Variants in MEF2C observed in about 807,000 individuals in gnomAD.
The protein encoded by MEF2C is myocyte-specific enhancer factor 2C.
Under a neutral mutation model 50.5 loss-of-function variants are expected in MEF2C, and 6 were observed. The observed-to-expected ratio is 0.12, with a 90% CI of 0.07 to 0.23. The LOEUF (loss-of-function observed/expected upper bound fraction) is 0.23. MEF2C is among the 10% of genes least tolerant of loss of function. The probability of loss-of-function intolerance (pLI) is 1.00; values close to 1 mark genes in which losing one functional copy is unlikely to be tolerated. For missense variants in MEF2C, 276 were observed against 605.0 expected, an observed-to-expected ratio of 0.46 and a Z score of 5.70; for synonymous variants, 183 against 228.0, an observed-to-expected ratio of 0.80 and a Z score of 1.78.
At chr5:88,792,974 G>A (rs1248780839) in intron 3 of MEF2C, among the ~76,000 whole-genome samples, 1 of 152,034 alleles carries the variant, frequency 6.6e-6, no homozygotes, top group Non-Finnish European at 1.5e-5. Flanking sequence ...ATATTCTGAG[G>A]AGGTAACTTT....
At chr5:88,741,264 A>G (rs1248394315) in intron 6 of MEF2C, 6 of 985,262 alleles carry the variant, frequency 6.1e-6, no homozygotes, top group Non-Finnish European at 6.0e-6. Flanking sequence ...AATGTAGATG[A>G]TTATAACCAT....
chr5:88,799,871 C>CAT (rs759841301), intron 3 of MEF2C, among the ~76,000 whole-genome samples: 11,062 of 50,658 alleles, frequency 0.22, 342 homozygotes, highest in Middle Eastern at 0.35. Context: ...CTCTCTCTCT[C>CAT]ACACACACAC....
At chr5:88,723,700 T>C (rs1757305216) in intron 10 of MEF2C, among the ~76,000 whole-genome samples, 1 of 152,072 alleles carries the variant, frequency 6.6e-6, no homozygotes, top group Non-Finnish European at 1.5e-5. Context: ...ATTTTATTAA[T>C]GTTAGTCACT....
At chr5:88,781,800 C>T (rs955183961) in intron 3 of MEF2C, among the ~76,000 whole-genome samples, 2 of 152,098 alleles carry the variant, frequency 1.3e-5, no homozygotes, top group Non-Finnish European at 2.9e-5. Context: ...TGGTGAAACC[C>T]CGTATCTACT....
chr5:88,797,091 G>A (rs1417451096), intron 3 of MEF2C, among the ~76,000 whole-genome samples: 1 of 151,408 alleles, frequency 6.6e-6, no homozygotes, highest in Non-Finnish European at 1.5e-5. Context: ...GAAGAATGCT[G>A]AAGTCCAACG....
rs771799863 is a variant in MEF2C, at chr5:88,891,393, C to CTTTT, written c.-239-3799_-239-3796dup. 7.0e-4 allele frequency among the ~76,000 whole-genome samples: 73 copies of CTTTT among 104,840 alleles called. 1 individual carries two copies. Among genetic ancestry groups the CTTTT allele is most frequent in the African/African-American group, 1.2e-3 (28 of 24,078 alleles). 68.8% of individuals were successfully genotyped at this position (104,840 alleles called of 152,430 possible). A position where few individuals can be genotyped will look rare whatever the true frequency, so the allele number is the denominator to read the frequency against. ...TCAGAAATGTTAATAACCAACCAAC[C>CTTTT]TTTTTTTTTTTTTTTTTTTTTTGAG... On this transcript the variant is annotated intron_variant, in intron 1 of 11. Transcript: ENST00000340208.
intron 1 of MEF2C, among the ~76,000 whole-genome samples, chr5:88,894,247 T>C (rs577574480): frequency 6.6e-6 from 1 of 152,348 alleles, no homozygotes; most frequent in African/African-American, 2.4e-5. Flanking sequence ...CAGGGCCACA[T>C]AGTTCCTAAG....
intron 3 of MEF2C, among the ~76,000 whole-genome samples, chr5:88,763,003 A>G (rs1300958134): frequency 6.6e-6 from 1 of 152,258 alleles, no homozygotes; most frequent in African/African-American, 2.4e-5. Flanking sequence ...CAAATGTAAC[A>G]TTATTTAAAA....
At chr5:88,856,509 G>C (rs1823398347) in intron 1 of MEF2C, among the ~76,000 whole-genome samples, 1 of 152,208 alleles carries the variant, frequency 6.6e-6, no homozygotes, top group African/African-American at 2.4e-5. Flanking sequence ...AATGTCTCCA[G>C]GGCATGTCAG....
At chr5:88,802,793 C>T (rs186748040) in intron 3 of MEF2C, among the ~76,000 whole-genome samples, 1 of 152,252 alleles carries the variant, frequency 6.6e-6, no homozygotes, top group East Asian at 1.9e-4. Context: ...TAATATATTC[C>T]TAAGAAAAAC....
At chr5:88,730,371 A>G (rs1271049765) in intron 7 of MEF2C, 137 bp from the exon 8 acceptor site, 16 of 898,998 alleles carry the variant, frequency 1.8e-5, no homozygotes, top group Admixed American at 4.2e-5. Context: ...GACTCCAAAG[A>G]TAACTCCTTA....
At chr5:88,760,739 C>G (rs1039259793) in intron 4 of MEF2C, among the ~76,000 whole-genome samples, 4 of 152,138 alleles carry the variant, frequency 2.6e-5, no homozygotes, top group Non-Finnish European at 5.9e-5. Context: ...TACGGTGTGT[C>G]TCATAAATCT....
At chr5:88,741,750 T>G (rs1239768801) in intron 6 of MEF2C, 29 of 985,056 alleles carry the variant, frequency 2.9e-5, no homozygotes, top group Non-Finnish European at 3.5e-5. Flanking sequence ...AGGTGGTGGG[T>G]GGACTCTAAG....
upstream of MEF2C, among the ~76,000 whole-genome samples, chr5:88,885,201 C>T (rs1418237553): frequency 6.6e-6 from 1 of 152,124 alleles, no homozygotes; most frequent in Non-Finnish European, 1.5e-5. Context: ...TATATGAGGA[C>T]AGTATGGTTC....
At chr5:88,737,612 G>C (rs1406321759) in intron 6 of MEF2C, 10 of 985,236 alleles carry the variant, frequency 1.0e-5, no homozygotes, top group Non-Finnish European at 1.2e-5. Flanking sequence ...GGAAAAGAAT[G>C]GTGGCAGGGT....
chr5:88,888,485 G>T (rs561170275), intron 1 of MEF2C, among the ~76,000 whole-genome samples: 28 of 152,238 alleles, frequency 1.8e-4, no homozygotes, highest in African/African-American at 5.8e-4. Context: ...AAAAATTTTG[G>T]CCAGTTTTAC....
At chr5:88,786,738 CACT>C (rs1479105070) in intron 3 of MEF2C, among the ~76,000 whole-genome samples, 2 of 152,224 alleles carry the variant, frequency 1.3e-5, no homozygotes, top group South Asian at 2.1e-4. Flanking sequence ...GTCCATATAT[CACT>C]ACATTTATTA....
chr5:88,866,719 T>C (rs2153438333), intron 1 of MEF2C, among the ~76,000 whole-genome samples: 1 of 152,370 alleles, frequency 6.6e-6, no homozygotes, highest in South Asian at 2.1e-4. Flanking sequence ...AGTAGTTATT[T>C]CACATCTAAC....
intron 1 of MEF2C, chr5:88,888,804 A>G (rs1009537725): frequency 6.6e-6 from 1 of 151,124 alleles, no homozygotes; most frequent in Non-Finnish European, 1.5e-5. Flanking sequence ...ATAAGGCTTG[A>G]TCAGTAATTT....
Sources: gnomAD v4.1 joint callset for allele counts (sites outside exome capture counted in the v4.1 genomes callset) on GRCh38, gnomAD v4.1.1 for gene constraint, MANE v1.5 for transcripts, NCBI Gene and HGNC (gene_info 2026-07-23, HGNC 2026-07-21) for gene names.